Variants in ESRRG observed in about 807,000 individuals in gnomAD.
ESRRG encodes the protein estrogen-related receptor gamma.
A neutral mutation model predicts 44.0 loss-of-function variants in ESRRG; 13 were observed. That is an observed-to-expected ratio of 0.30 (90% CI 0.19 to 0.47). ESRRG has a LOEUF of 0.47. Ranked by LOEUF, ESRRG falls within the 20% of genes least tolerant of loss-of-function variation. The pLI, the probability that ESRRG is intolerant of heterozygous loss-of-function variation, is 1.00. For synonymous variants in ESRRG, 215 were observed against 214.6 expected, an observed-to-expected ratio of 1.00 and a Z score of -0.02; for missense variants, 395 against 580.6, an observed-to-expected ratio of 0.68 and a Z score of 3.29.
intron 2 of ESRRG, among the ~76,000 whole-genome samples, chr1:216,805,731 T>C (rs1223620554): frequency 6.6e-6 from 1 of 151,140 alleles, no homozygotes; most frequent in Non-Finnish European, 1.5e-5. Context: ...TGTTTTGTAA[T>C]TGGAAAAAAA....
At chr1:216,896,210 A>G (rs1407692553) in intron 2 of ESRRG, among the ~76,000 whole-genome samples, 1 of 152,200 alleles carries the variant, frequency 6.6e-6, no homozygotes, top group Non-Finnish European at 1.5e-5. Context: ...AATTGGGAGG[A>G]AAGAAGAACT....
At chr1:216,960,071 T>C (rs565254721) in intron 1 of ESRRG, among the ~76,000 whole-genome samples, 197 of 152,264 alleles carry the variant, frequency 1.3e-3, no homozygotes, top group African/African-American at 4.3e-3. Context: ...CTAAATATTA[T>C]ATGTGTGTGT....
intron 2 of ESRRG, among the ~76,000 whole-genome samples, chr1:216,732,073 C>A (rs2088898326): frequency 1.5e-5 from 2 of 135,082 alleles, no homozygotes; most frequent in African/African-American, 2.8e-5. Context: ...TTTAAAAATT[C>A]TAATTAAGAA....
chr1:217,026,271 G>A (rs11572427), intron 1 of ESRRG, among the ~76,000 whole-genome samples: 23,005 of 152,222 alleles, frequency 0.15, 2,271 homozygotes, highest in Admixed American at 0.19. Context: ...GCCAAATGGA[G>A]GGACAGAACA....
At chr1:217,019,772 GTCTTA>G (rs778498448) in intron 1 of ESRRG, among the ~76,000 whole-genome samples, 2 of 152,280 alleles carry the variant, frequency 1.3e-5, no homozygotes, top group Non-Finnish European at 2.9e-5. Flanking sequence ...GAACGGCTCT[GTCTTA>G]TCTTATTCAT....
At chr1:216,511,524 G>A (rs2042702790) in intron 6 of ESRRG, among the ~76,000 whole-genome samples, 1 of 59,748 alleles carries the variant, frequency 1.7e-5, no homozygotes, top group Non-Finnish European at 5.4e-5. Context: ...AGGTGACAGG[G>A]TATTCCCAAA....
chr1:216,853,853 G>T (rs2095876559), intron 2 of ESRRG, among the ~76,000 whole-genome samples: 1 of 152,078 alleles, frequency 6.6e-6, no homozygotes, highest in African/African-American at 2.4e-5. Context: ...TGATTCAATT[G>T]CTTTTTTATC....
At chr1:216,730,383 C>T (rs561772212) in intron 2 of ESRRG, among the ~76,000 whole-genome samples, 1 of 150,848 alleles carries the variant, frequency 6.6e-6, no homozygotes, top group East Asian at 2.0e-4. Flanking sequence ...TGGGAATGTA[C>T]TGGTAGAAAT....
intron 1 of ESRRG, among the ~76,000 whole-genome samples, chr1:217,027,605 G>A (rs529569815): frequency 3.3e-5 from 5 of 151,986 alleles, no homozygotes; most frequent in Admixed American, 1.3e-4. Flanking sequence ...GCAGAGAGCC[G>A]CAAACCACAC....
intron 1 of ESRRG, among the ~76,000 whole-genome samples, chr1:216,995,012 G>A (rs948343057): frequency 1.3e-5 from 2 of 152,136 alleles, no homozygotes; most frequent in Admixed American, 1.3e-4. Flanking sequence ...AACAGAAGAT[G>A]GCATTCGTCT....
intron 2 of ESRRG, among the ~76,000 whole-genome samples, chr1:216,938,699 G>C (rs980887169): frequency 2.6e-5 from 4 of 152,128 alleles, no homozygotes; most frequent in African/African-American, 9.7e-5. Context: ...AGTGCACAGG[G>C]ATTCCTGTGC....
intron 2 of ESRRG, among the ~76,000 whole-genome samples, chr1:216,751,377 A>C (rs1303046502): frequency 1.3e-5 from 2 of 152,156 alleles, no homozygotes; most frequent in Non-Finnish European, 2.9e-5. Context: ...AATTATTACC[A>C]TATTCATCAT....
chr1:216,730,133 C>A lies in ESRRG; in HGVS notation c.-13-52642G>T, dbSNP rs150793335. ...CCAGTGCTTCGTTAGCAACAAGCCA[C>A]CAATGTTAGTGTCACAATTGTTGAC... On this transcript the variant is annotated intron_variant, in intron 2 of 7. Coordinates refer to the ESRRG transcript ENST00000359162. Among the ~76,000 whole-genome samples, 227 of 152,000 alleles carry A rather than the reference C, an allele frequency of 1.5e-3. 9 individuals carry two copies. The East Asian group carries it at 0.043, about 29-fold the overall frequency.
intron 1 of ESRRG, among the ~76,000 whole-genome samples, chr1:217,007,260 G>A (rs986552770): frequency 6.6e-6 from 1 of 152,142 alleles, no homozygotes; most frequent in African/African-American, 2.4e-5. Flanking sequence ...TGAAAATTAT[G>A]TGGGTCAAGG....
At chr1:216,773,591 A>G (rs1462715535) in intron 2 of ESRRG, among the ~76,000 whole-genome samples, 1 of 152,180 alleles carries the variant, frequency 6.6e-6, no homozygotes, top group Non-Finnish European at 1.5e-5. Context: ...CAGGGCTTCA[A>G]TAAATATCCA....
rs980725787 is a variant in ESRRG, at chr1:216,786,858, G to C, written c.-13-109367C>G. 2.0e-5 allele frequency among the ~76,000 whole-genome samples: 3 copies of C among 152,046 alleles called. 1 individual carries two copies. The East Asian group carries it at 5.8e-4, about 29-fold the overall frequency. On this transcript the variant is annotated intron_variant, in intron 2 of 7. Coordinates refer to the ESRRG transcript ENST00000359162. ...CTAAGACTCCACTTTGCACATTTAG[G>C]ACACCTAAAAACCATCTGTGAATGA...
chr1:217,123,766 G>T (rs2092854421), intron 1 of ESRRG, among the ~76,000 whole-genome samples: 1 of 152,036 alleles, frequency 6.6e-6, no homozygotes, highest in African/African-American at 2.4e-5. Flanking sequence ...GAGAGTAGGG[G>T]GGCAGCAAGA....
chr1:217,020,704 C>T (rs939312176), intron 1 of ESRRG, among the ~76,000 whole-genome samples: 1 of 152,164 alleles, frequency 6.6e-6, no homozygotes, highest in African/African-American at 2.4e-5. Flanking sequence ...TTATAAGGTG[C>T]TGTTGAAAAA....
intron 2 of ESRRG, among the ~76,000 whole-genome samples, chr1:216,764,247 C>T (rs1348431143): frequency 1.3e-5 from 2 of 150,626 alleles, no homozygotes; most frequent in East Asian, 3.9e-4. Flanking sequence ...GCTAGTCTTG[C>T]TAGGTTGCCC....
Sources: gnomAD v4.1 joint callset for allele counts (sites outside exome capture counted in the v4.1 genomes callset) on GRCh38, gnomAD v4.1.1 for gene constraint, MANE v1.5 for transcripts, NCBI Gene and HGNC (gene_info 2026-07-23, HGNC 2026-07-21) for gene names.